LRTM3: variants seen among roughly 807,000 people sequenced by gnomAD.
The protein encoded by LRTM3 is leucine-rich repeat transmembrane protein 3.
At chr13:102,733,897 G>GTC in the LRTM3 span, 30 of 1,551,266 alleles carry the variant, frequency 1.9e-5, no homozygotes, top group African/African-American at 3.7e-4. Context: ...CTTCAACTGA[G>GTC]TCTCTATTTG....
the LRTM3 span, chr13:102,730,379 G>A: frequency 1.3e-6 from 2 of 1,550,840 alleles, no homozygotes; most frequent in Non-Finnish European, 1.7e-6. Flanking sequence ...CTCAATATCT[G>A]TCTGAATATC....
chr13:102,733,941 T>A, the LRTM3 span: 1 of 1,551,224 alleles, frequency 6.4e-7, no homozygotes, highest in Admixed American at 2.0e-5. Context: ...ACATGGAGAG[T>A]TCGCTGTGGA....
chr13:102,749,583 C>A, the LRTM3 span: 1 of 1,551,384 alleles, frequency 6.4e-7, no homozygotes, highest in Non-Finnish European at 8.7e-7. Flanking sequence ...GATGGAACTT[C>A]AACAAAATGT....
the LRTM3 span, chr13:102,739,638 A>T: frequency 6.4e-7 from 1 of 1,550,506 alleles, no homozygotes. Context: ...TGTGACAGTG[A>T]TGACTTCCTT....
chr13:102,747,673 T>G, the LRTM3 span: 1 of 1,551,212 alleles, frequency 6.4e-7, no homozygotes, highest in Non-Finnish European at 8.7e-7. Context: ...GCAAGTTCTC[T>G]GGCATTGTAA....
the LRTM3 span, chr13:102,744,815 G>A: frequency 6.5e-6 from 10 of 1,549,206 alleles, no homozygotes; most frequent in Non-Finnish European, 2.6e-6. Flanking sequence ...GGCCTTCTGT[G>A]CCTCCCCACC....
At chr13:102,758,952 G>C in the LRTM3 span, 1 of 1,385,546 alleles carries the variant, frequency 7.2e-7, no homozygotes, top group Non-Finnish European at 9.9e-7. Flanking sequence ...ATATGTGAAA[G>C]AGACTGGTGT....
At chr13:102,744,706 T>C in the LRTM3 span, 1 of 1,550,780 alleles carries the variant, frequency 6.4e-7, no homozygotes, top group Non-Finnish European at 8.7e-7. Flanking sequence ...AGCATGGAAC[T>C]GATTCTGTTA....
At chr13:102,735,729 T>C in the LRTM3 span, 1 of 1,549,798 alleles carries the variant, frequency 6.5e-7, no homozygotes, top group South Asian at 1.2e-5. Context: ...AGTGACTCAG[T>C]ATATGCTTTT....
the LRTM3 span, chr13:102,741,546 C>T: frequency 1.4e-5 from 22 of 1,550,184 alleles, no homozygotes; most frequent in Middle Eastern, 1.7e-4. Context: ...TCCTCAGTTA[C>T]CTTTCCTGTG....
At chr13:102,734,175 T>A in the LRTM3 span, 7 of 1,551,466 alleles carry the variant, frequency 4.5e-6, no homozygotes, top group East Asian at 1.7e-4. Context: ...TGGCAGTGTA[T>A]CCTGAACCTC....
At chr13:102,730,311 C>T in the LRTM3 span, 3 of 1,551,330 alleles carry the variant, frequency 1.9e-6, no homozygotes, top group South Asian at 2.4e-5. Flanking sequence ...TCCAGAAACA[C>T]ACATTCCTCA....
the LRTM3 span, among the ~76,000 whole-genome samples, chr13:102,758,206 C>T: frequency 2.4e-4 from 36 of 152,238 alleles, no homozygotes; most frequent in Middle Eastern, 3.4e-3. Context: ...CTACCTGCCT[C>T]GAAGGATAAT....
chr13:102,730,473 ATGT>A, the LRTM3 span: 2 of 1,551,382 alleles, frequency 1.3e-6, no homozygotes, highest in Non-Finnish European at 1.7e-6. Flanking sequence ...ACAGATTCAC[ATGT>A]ATTTCTTTCT....
the LRTM3 span, among the ~76,000 whole-genome samples, chr13:102,751,209 C>T: frequency 1.3e-5 from 2 of 152,030 alleles, no homozygotes; most frequent in Admixed American, 6.6e-5. Context: ...ACCTCAACCC[C>T]CTGACATACT....
the LRTM3 span, chr13:102,731,535 G>T: frequency 1.3e-6 from 2 of 1,551,248 alleles, no homozygotes; most frequent in Non-Finnish European, 8.7e-7. Flanking sequence ...ATTGTATCTG[G>T]ACCCTCTGGA....
At chr13:102,747,317 A>G in the LRTM3 span, 1 of 1,549,840 alleles carries the variant, frequency 6.5e-7, no homozygotes, top group Non-Finnish European at 8.7e-7. Flanking sequence ...ATCTTGCAGT[A>G]TCTGTTTAAT....
the LRTM3 span, among the ~76,000 whole-genome samples, chr13:102,751,358 C>G: frequency 7.7e-5 from 9 of 116,828 alleles, no homozygotes; most frequent in East Asian, 1.6e-3. Context: ...CACACACACA[C>G]ACACACACAC....
At chr13:102,757,937 T>C in the LRTM3 span, among the ~76,000 whole-genome samples, 1 of 152,212 alleles carries the variant, frequency 6.6e-6, no homozygotes, top group Non-Finnish European at 1.5e-5. Flanking sequence ...AAAATATTGA[T>C]AGCATCAAGA....
Sources: allele counts gnomAD v4.1 joint callset (sites outside exome capture counted in the v4.1 genomes callset), GRCh38; gene constraint gnomAD v4.1.1; transcripts MANE v1.5; gene names NCBI Gene and HGNC (gene_info 2026-07-23, HGNC 2026-07-21).